Variants in SACS observed in about 807,000 individuals in gnomAD.
The protein encoded by SACS is sacsin.
In SACS, 197 loss-of-function variants were observed where a neutral mutation model predicts 348.0. The observed-to-expected ratio is 0.57, with a 90% CI of 0.50 to 0.64. The LOEUF (loss-of-function observed/expected upper bound fraction) is 0.64, where lower values mean the gene tolerates loss of function less well. Ranked by LOEUF, SACS falls within the 30% of genes least tolerant of loss-of-function variation. The pLI is 0.00. For missense variants in SACS, 4,999 were observed against 5,360.8 expected (o/e 0.93, Z 2.11); for synonymous variants, 1,985 against 1,910.6 (o/e 1.04, Z -1.02).
intron 2 of SACS, among the ~76,000 whole-genome samples, chr13:23,390,514 G>A (rs1367058757): frequency 6.6e-6 from 1 of 152,036 alleles, no homozygotes; most frequent in East Asian, 1.9e-4. Context: ...ATAAAAATTA[G>A]CTGGGGGACT....
intron 1 of SACS, among the ~76,000 whole-genome samples, chr13:23,429,653 G>A (rs66978502): frequency 1.3e-5 from 2 of 151,672 alleles, no homozygotes; most frequent in Admixed American, 6.6e-5. Flanking sequence ...GTGAGCCACC[G>A]TGCCAGGCCC....
At chr13:23,431,898 C>CTTCA (rs1232276428) in intron 1 of SACS, among the ~76,000 whole-genome samples, 1 of 152,226 alleles carries the variant, frequency 6.6e-6, no homozygotes, top group Non-Finnish European at 1.5e-5. Context: ...CTTTAGCATG[C>CTTCA]TTCACCATGG....
intron 2 of SACS, among the ~76,000 whole-genome samples, chr13:23,391,353 C>T (rs537125058): frequency 6.6e-6 from 1 of 152,336 alleles, no homozygotes; most frequent in Admixed American, 6.5e-5. Flanking sequence ...CTCTGCCCAC[C>T]CAGCTCTCCG....
At position 23,329,295 on chromosome 13, in the gene SACS, C is replaced by A. The variant is rs1883320613; in HGVS notation, c.*841G>T. ...AGCACCTTTAGACAACAAAAGATTG[C>A]ATCCTGTTCAACCACACTATATAAA... On this transcript the variant is annotated 3_prime_UTR_variant, in exon 10 of 10. Transcript: ENST00000382292. The A allele has an allele frequency of 1.7e-6, 1 of 588,694 alleles. No individual in the cohort carries two copies. The highest frequency in any genetic ancestry group is 3.3e-5 in the East Asian group (1 of 30,706). 36.5% of individuals were successfully genotyped at this position (588,694 alleles called of 1,614,324 possible). A position where few individuals can be genotyped will look rare whatever the true frequency, so the allele number is the denominator to read the frequency against.
intron 1 of SACS, among the ~76,000 whole-genome samples, chr13:23,417,243 A>G (rs117979696): frequency 0.025 from 3,788 of 152,342 alleles, 70 homozygotes; most frequent in Middle Eastern, 0.038. Flanking sequence ...AGAAAATTAA[A>G]TATCATTGAA....
At position 23,333,407 on chromosome 13, in the gene SACS, T is replaced by C; in HGVS notation, c.10469A>G (p.Tyr3490Cys). 1 of 1,609,652 alleles carries C rather than the reference T, an allele frequency of 6.2e-7. No individual in the cohort carries two copies. The highest frequency in any genetic ancestry group is 8.5e-7 in the Non-Finnish European group (1 of 1,178,352). ...HLLPKIENLSYDAKLEHLIYL... is the reference protein window; with the variant it reads ...HLLPKIENLSCDAKLEHLIYL... ...GATCAAGTGCTCTAATTTTGCATCA[T>C]AAGAGAGATTTTCAATTTTTGGTAA... is the stretch of plus-strand genomic sequence containing the variant. Residue 3490 changes from tyrosine (Y) to cysteine (C), a missense_variant, in exon 10 of 10, where the codon TAT becomes TGT. By Grantham distance (194) the Tyr-to-Cys change is radical. This residue lies in a region of SACS where 734 missense variants were observed against 694.0 expected (regional missense o/e 1.06). Coordinates refer to ENST00000382292, the MANE Select transcript of SACS (RefSeq NM_014363.6).
chr13:23,381,053 T>C (rs1872032008), intron 2 of SACS, among the ~76,000 whole-genome samples: 1 of 152,190 alleles, frequency 6.6e-6, no homozygotes, highest in Non-Finnish European at 1.5e-5. Context: ...AAATGAGACA[T>C]TATCATCCAC....
rs367979207 is a variant in SACS, at chr13:23,339,363, T to C, written c.4513A>G (p.Ile1505Val). Reference sequence around the variant, plus strand: ...CCTGGGTCTAGGAGATTCTCTCTTATGTCCATATTTCTTCTCATATCAATC... The same window carrying C: ...CCTGGGTCTAGGAGATTCTCTCTTACGTCCATATTTCTTCTCATATCAATC... ...FLIDMRRNMD[I>V]RENLLDPGMA... The change falls in exon 10 of 10, where the codon ATA (isoleucine) becomes GTA (valine). Residue 1505 changes from isoleucine to valine, a missense_variant. Around this residue, in one of 6 missense-constraint regions of SACS, gnomAD observed 3,156 missense variants for 3,380.1 expected, o/e 0.93. Coordinates refer to ENST00000382292, the MANE Select transcript of SACS (RefSeq NM_014363.6). The C allele has an allele frequency of 6.8e-6, 11 of 1,613,442 alleles. 1 individual carries two copies. In the Admixed American group the frequency reaches 1.2e-4, roughly 17 times the overall value.
At chr13:23,412,751 T>A (rs770937718) in intron 1 of SACS, among the ~76,000 whole-genome samples, 2 of 152,094 alleles carry the variant, frequency 1.3e-5, no homozygotes, top group Non-Finnish European at 2.9e-5. Context: ...TAATAACTCA[T>A]GTTTGAAAGC....
At chr13:23,388,487 GTA>G (rs71100176) in intron 2 of SACS, among the ~76,000 whole-genome samples, 66,527 of 139,818 alleles carry the variant, frequency 0.48, 16,559 homozygotes, top group East Asian at 0.7. Flanking sequence ...TGGTGTGTGT[GTA>G]TATATATATA....
Position 23,332,359 on chromosome 13 carries a change from G to C in SACS, c.11517C>G (p.Phe3839Leu), listed in dbSNP as rs1883534716. Residue 3839 changes from phenylalanine to leucine, a missense_variant, in exon 10 of 10, where the codon TTC becomes TTG. Phe to Leu is a conservative substitution (Grantham distance 22). Transcript: ENST00000382292. ...TAATATCTTCAGTACCTAAGTGTTTGAACAACTGGTGAAATGTGCCAAGTT... is the reference window on the plus strand; with the variant it reads ...TAATATCTTCAGTACCTAAGTGTTTCAACAACTGGTGAAATGTGCCAAGTT... ...PLELGTFHQLFKHLGTEDIIS... is the reference protein window; with the variant it reads ...PLELGTFHQLLKHLGTEDIIS... 1.9e-6 allele frequency: 3 copies of C among 1,613,878 alleles called. No individual in the cohort carries two copies. The highest frequency in any genetic ancestry group is 1.1e-5 in the South Asian group (1 of 91,066).
At chr13:23,392,201 C>T (rs1438351578) in intron 2 of SACS, among the ~76,000 whole-genome samples, 2 of 152,146 alleles carry the variant, frequency 1.3e-5, no homozygotes, top group African/African-American at 2.4e-5. Flanking sequence ...GGACTGTAAC[C>T]GGGCCCTCTC....
At position 23,336,335 on chromosome 13, in the gene SACS, C is replaced by G; in HGVS notation, c.7541G>C (p.Cys2514Ser). 1 of 1,614,058 alleles carries G rather than the reference C, an allele frequency of 6.2e-7. No individual in the cohort carries two copies. The highest frequency in any genetic ancestry group is 8.5e-7 in the Non-Finnish European group (1 of 1,179,946). The change falls in exon 10 of 10, where the codon TGT becomes TCT. Residue 2514 changes from cysteine to serine, a missense_variant. Coordinates refer to ENST00000382292, the MANE Select transcript of SACS (RefSeq NM_014363.6). The stretch of plus-strand genomic sequence containing the variant: ...AAATTCTGTGCCAAGTGTTGTAAAA[C>G]AGACATTGGATGCATATCTTTCTAA... ...KALERYASNV[C>S]FTTLGTEFGQ...
In SACS at chr13:23,340,237, T is replaced by G; in HGVS notation, c.3639A>C (p.Leu1213Phe). The G allele has an allele frequency of 6.2e-7, 1 of 1,610,776 alleles. No individual in the cohort carries two copies. The highest frequency in any genetic ancestry group is 2.2e-5 in the East Asian group (1 of 44,858). The change falls in exon 10 of 10, where the codon TTA becomes TTC. Residue 1213 changes from leucine to phenylalanine, a missense_variant. By Grantham distance (22) the Leu-to-Phe change is conservative (BLOSUM62 0). Coordinates refer to ENST00000382292, the MANE Select transcript of SACS (RefSeq NM_014363.6). ...TAAGGCTAGGTTTTGTGAAGATCCC[T>G]AATGCTTTTTCCAGGTTTACATGGA... ...ESIHVNLEKALGIFTKPSLSA... is the reference protein window; with the variant it reads ...ESIHVNLEKAFGIFTKPSLSA...
In SACS at chr13:23,335,220, G is replaced by A; in HGVS notation, c.8656C>T (p.His2886Tyr). Reference sequence around the variant, plus strand: ...CTTCTGGCTGAATCCAGTGCAAAGTGGCCATTCACATGAAATGGCAGCCCA... The same window carrying A: ...CTTCTGGCTGAATCCAGTGCAAAGTAGCCATTCACATGAAATGGCAGCCCA... ...ETGLPFHVNG[H>Y]FALDSARRNL... is the part of the protein sequence containing the mutation. Residue 2886 changes from histidine to tyrosine, a missense_variant, in exon 10 of 10, where the codon CAC (histidine) becomes TAC (tyrosine). By Grantham distance (83) the His-to-Tyr change is moderately conservative (BLOSUM62 2). Transcript: ENST00000382292. This position sits in a 1 kb window ranked among gnomAD's most constrained non-coding sequence, Gnocchi z 4.7. The A allele has an allele frequency of 4.3e-6, 7 of 1,613,852 alleles. No homozygotes were observed. Among genetic ancestry groups the A allele is most frequent in the Non-Finnish European group, 5.9e-6 (7 of 1,179,910 alleles).
At chr13:23,371,038 C>T in intron 4 of SACS, 40 bp downstream of exon 4, 5 of 1,289,396 alleles carry the variant, frequency 3.9e-6, no homozygotes, top group Non-Finnish European at 5.5e-6. Flanking sequence ...CTTTGTGCAA[C>T]CCAACATGGT....
chr13:23,370,277 G>A (rs1242051115), intron 4 of SACS, among the ~76,000 whole-genome samples: 1 of 152,174 alleles, frequency 6.6e-6, no homozygotes, highest in Non-Finnish European at 1.5e-5. Context: ...CTTTAAAACA[G>A]CTTTATTGAG....
Position 23,341,070 on chromosome 13 carries a change from G to T in SACS, c.2806C>A (p.Gln936Lys), listed in dbSNP as rs61978562. Residue 936 changes from glutamine (Q) to lysine (K), a missense_variant, in exon 10 of 10, where the codon CAG becomes AAG. Transcript: ENST00000382292. ...IFKRINHSSDQGISSYTKLKG... is the reference protein window; with the variant it reads ...IFKRINHSSDKGISSYTKLKG... ...AATTTTGTATAAGAGGAAATTCCCTGATCAGAAGAATGGTTAATGCGCTTG... is the reference window on the plus strand; with the variant it reads ...AATTTTGTATAAGAGGAAATTCCCTTATCAGAAGAATGGTTAATGCGCTTG... The T allele has an allele frequency of 4.0e-5, 64 of 1,613,964 alleles. No homozygotes were observed. In the African/African-American group the frequency reaches 8.0e-4, roughly 20 times the overall value.
chr13:23,356,070 T>G lies in SACS; in HGVS notation c.605-63A>C, dbSNP rs1231253994. On this transcript the variant is annotated intron_variant, in intron 7 of 9. Coordinates refer to ENST00000382292, the MANE Select transcript of SACS (RefSeq NM_014363.6). ...TTTTAGGGACAATTATGATTACAAT[T>G]ATAATAAATATATGAAAAAGCATGA... The G allele has an allele frequency of 2.3e-6, 3 of 1,309,476 alleles. No individual in the cohort carries two copies. In the East Asian group the frequency reaches 7.5e-5, roughly 33 times the overall value. 81.1% of individuals were successfully genotyped at this position (1,309,476 alleles called of 1,614,324 possible).
Sources: gnomAD v4.1 joint callset for allele counts (sites outside exome capture counted in the v4.1 genomes callset) on GRCh38, gnomAD v4.1.1 for gene constraint, gnomAD v4.1.1 regional missense constraint, Gnocchi (gnomAD v3.1) non-coding constraint, MANE v1.5 for transcripts, NCBI Gene and HGNC (gene_info 2026-07-23, HGNC 2026-07-21) for gene names.